The following XRRA1 variants were observed in gnomAD, a reference collection of about 807,000 sequenced individuals.
XRRA1 encodes X-ray radiation resistance-associated protein 1.
In XRRA1, 69 loss-of-function variants were observed where a neutral mutation model predicts 80.2. That is an observed-to-expected ratio of 0.86 (90% CI 0.71 to 1.05). The LOEUF is 1.05. Among genes scored for constraint, XRRA1 ranks in the 50% least tolerant of loss-of-function variants. The pLI is 0.00. For missense variants in XRRA1, 967 were observed against 976.4 expected (o/e 0.99, Z 0.13); for synonymous variants, 348 against 389.9 (o/e 0.89, Z 1.27).
In XRRA1 at chr11:74,906,377, C is replaced by T. The variant is rs775301333; in HGVS notation, c.865G>A (p.Val289Ile). The T allele has an allele frequency of 1.2e-5, 19 of 1,614,006 alleles. No homozygotes were observed. Among genetic ancestry groups the T allele is most frequent in the Non-Finnish European group, 1.6e-5 (19 of 1,179,882 alleles). ...LQQVQLYDES[V>I]DWNGGRGSPH... is the part of the protein sequence containing the mutation. ...CTTCCCCTGCCTCCATTCCAGTCTACTGACTCGTCATAGAGCTGAACTTGC... is the reference window on the plus strand; with the variant it reads ...CTTCCCCTGCCTCCATTCCAGTCTATTGACTCGTCATAGAGCTGAACTTGC... The change falls in exon 10 of 19, where the codon GTA (valine) becomes ATA (isoleucine). Residue 289 changes from valine (V) to isoleucine (I), a missense_variant. Val to Ile is a conservative substitution (Grantham distance 29, BLOSUM62 3). Coordinates refer to ENST00000684022, the MANE Select transcript of XRRA1 (RefSeq NM_001378157.1).
rs531827200 is a variant in XRRA1 at position 74,943,601 on chromosome 11, A to G, written c.-5+1417T>C. On this transcript the variant is annotated intron_variant, in intron 2 of 18. Transcript: ENST00000684022. ...AGAGAGAGAGAGAGTGCACCTGCTCATAGAGGCAGCAACTAGTCAGCTCTT... is the reference window on the plus strand; with the variant it reads ...AGAGAGAGAGAGAGTGCACCTGCTCGTAGAGGCAGCAACTAGTCAGCTCTT... Among the ~76,000 whole-genome samples the G allele has an allele frequency of 9.7e-5, 14 of 144,190 alleles. No homozygotes were observed. In the East Asian group the frequency reaches 3.0e-3, roughly 31 times the overall value. The allele number at this position is 144,190 out of a possible 152,430, so 94.6% of individuals were successfully genotyped here.
Position 74,907,184 on chromosome 11 carries a change from G to T in XRRA1, c.746C>A (p.Ser249Tyr), listed in dbSNP as rs189728354. ...ETLMLDDNRL[S>Y]NPSCFASLAG... ...CAGGCTGGCAAAGCAACTGGGGTTGGAGAGTCTGTTGTCATCCAGCATCAG... is the reference window on the plus strand; with the variant it reads ...CAGGCTGGCAAAGCAACTGGGGTTGTAGAGTCTGTTGTCATCCAGCATCAG... The change falls in exon 9 of 19, where the codon TCC becomes TAC. Residue 249 changes from serine to tyrosine, a missense_variant. By Grantham distance (144) the Ser-to-Tyr change is moderately radical. Coordinates refer to ENST00000684022, the MANE Select transcript of XRRA1 (RefSeq NM_001378157.1). 1.9e-6 allele frequency: 3 copies of T among 1,613,976 alleles called. No individual in the cohort carries two copies. In the East Asian group the frequency reaches 6.7e-5, roughly 36 times the overall value.
chr11:74,845,246 A>G lies in XRRA1; in HGVS notation c.1754T>C (p.Ile585Thr), dbSNP rs772824037. ...CTTTAACTCTAAATCATCCTTATGGATGACGGAGGAAGGCAGTTCACTCAC... is the reference window on the plus strand; with the variant it reads ...CTTTAACTCTAAATCATCCTTATGGGTGACGGAGGAAGGCAGTTCACTCAC... ...TQVSELPSSV[I>T]HKDDLELKEK... Residue 585 changes from isoleucine (I) to threonine (T), a missense_variant, in exon 16 of 19, where the codon ATC becomes ACC. Physicochemically the swap from Ile to Thr is moderately conservative, Grantham distance 89. Transcript: ENST00000684022. 12 of 1,613,668 alleles carry G rather than the reference A, an allele frequency of 7.4e-6. No homozygotes were observed. Among genetic ancestry groups the G allele is most frequent in the Non-Finnish European group, 1.0e-5 (12 of 1,179,696 alleles).
At chr11:74,934,487 C>G (rs904397585) in intron 4 of XRRA1, among the ~76,000 whole-genome samples, 1 of 151,998 alleles carries the variant, frequency 6.6e-6, no homozygotes, top group African/African-American at 2.4e-5. Flanking sequence ...GTAGCAAGTA[C>G]GTATTTATAA....
chr11:74,851,923 G>C, intron 13 of XRRA1, 66 bp downstream of exon 13: 1 of 1,354,432 alleles, frequency 7.4e-7, no homozygotes, highest in Non-Finnish European at 1.1e-6. Flanking sequence ...GATGAGGTGG[G>C]GATGAGGGTG....
chr11:74,896,762 G>C (rs2137636009), intron 10 of XRRA1, among the ~76,000 whole-genome samples: 1 of 152,288 alleles, frequency 6.6e-6, no homozygotes, highest in South Asian at 2.1e-4. Context: ...GAAAGTAAGG[G>C]AAAAGAACAA....
At chr11:74,918,092 A>G (rs929577315) in intron 8 of XRRA1, among the ~76,000 whole-genome samples, 1 of 152,206 alleles carries the variant, frequency 6.6e-6, no homozygotes, top group African/African-American at 2.4e-5. Flanking sequence ...AGGACCTTAA[A>G]GGACTCAGAC....
At chr11:74,849,284 T>A (rs2039167111) in intron 14 of XRRA1, among the ~76,000 whole-genome samples, 2 of 152,228 alleles carry the variant, frequency 1.3e-5, no homozygotes, top group Admixed American at 1.3e-4. Context: ...AATACAGGTC[T>A]ATCCTTTGAG....
In XRRA1 at chr11:74,927,420, C is replaced by G; in HGVS notation, c.493G>C (p.Val165Leu). 6.2e-7 allele frequency: 1 copy of G among 1,613,066 alleles called. No individual in the cohort carries two copies. The highest frequency in any genetic ancestry group is 8.5e-7 in the Non-Finnish European group (1 of 1,179,102). ...LAFNGIKTIY[V>L]KYGDFKLLEF... The stretch of plus-strand genomic sequence containing the variant: ...AATAACTTAAAGTCTCCATATTTCA[C>G]GTAGATAGTTTTGATGCCATTAAAT... Residue 165 changes from valine (V) to leucine (L), a missense_variant, in exon 7 of 19, where the codon GTG (valine) becomes CTG (leucine). Coordinates refer to ENST00000684022, the MANE Select transcript of XRRA1 (RefSeq NM_001378157.1).
At chr11:74,929,234 C>T (rs1433463780) in intron 6 of XRRA1, among the ~76,000 whole-genome samples, 1 of 152,156 alleles carries the variant, frequency 6.6e-6, no homozygotes, top group East Asian at 1.9e-4. Context: ...TCCCTACATC[C>T]CTATCAGTCT....
At chr11:74,920,820 T>C (rs920480325) in intron 8 of XRRA1, among the ~76,000 whole-genome samples, 10 of 152,240 alleles carry the variant, frequency 6.6e-5, no homozygotes, top group African/African-American at 2.4e-4. Flanking sequence ...GTACTACATA[T>C]GTGTTTTTAT....
intron 10 of XRRA1, 88 bp from the exon 11 acceptor site, chr11:74,863,109 G>T (rs2042657859): frequency 8.1e-7 from 1 of 1,240,878 alleles, no homozygotes; most frequent in Non-Finnish European, 1.2e-6. Flanking sequence ...CATCCACTGT[G>T]TGCAGCAGGG....
intron 9 of XRRA1, 106 bp downstream of exon 9, chr11:74,907,039 G>C (rs2054756072): frequency 1.4e-6 from 2 of 1,455,252 alleles, no homozygotes; most frequent in Admixed American, 3.8e-5. Context: ...ATAAATTGTG[G>C]AGCTAGGCTT....
rs578150068 is a variant in XRRA1 at position 74,847,071 on chromosome 11, CTA to C, written c.1728+1042_1728+1043del. Among the ~76,000 whole-genome samples, 59 of 152,266 alleles carry C rather than the reference CTA, an allele frequency of 3.9e-4. No individual in the cohort carries two copies. In the South Asian group the frequency reaches 0.011, roughly 29 times the overall value. ...TTTGAGTGACAGAATTACCCTTGTA[CTA>C]TTTCCTTTCCTGTCCGTATTTTCTT... On this transcript the variant is annotated intron_variant, in intron 15 of 18. Coordinates refer to ENST00000684022, the MANE Select transcript of XRRA1 (RefSeq NM_001378157.1).
chr11:74,903,068 A>C (rs1291518231), intron 10 of XRRA1, among the ~76,000 whole-genome samples: 2 of 152,206 alleles, frequency 1.3e-5, no homozygotes, highest in Admixed American at 6.5e-5. Context: ...AAAAACTATA[A>C]AGTAAGATAA....
In XRRA1 at chr11:74,880,853, A is replaced by G. The variant is rs1397390327; in HGVS notation, c.1004-17832T>C. ...AGTTTGTTATAATTTCTGTTCTTTTACATTTGCTGAGGAGAGTTTTACTTC... is the reference window on the plus strand; with the variant it reads ...AGTTTGTTATAATTTCTGTTCTTTTGCATTTGCTGAGGAGAGTTTTACTTC... On this transcript the variant is annotated intron_variant, in intron 10 of 18. Coordinates refer to ENST00000684022, the MANE Select transcript of XRRA1 (RefSeq NM_001378157.1). 3.3e-5 allele frequency among the ~76,000 whole-genome samples: 5 copies of G among 151,596 alleles called. No individual in the cohort carries two copies. The South Asian group carries it at 1.1e-3, about 32-fold the overall frequency.
At chr11:74,941,188 G>C (rs911112585) in intron 2 of XRRA1, among the ~76,000 whole-genome samples, 12 of 152,114 alleles carry the variant, frequency 7.9e-5, no homozygotes, top group African/African-American at 2.9e-4. Flanking sequence ...TCTGTGACTG[G>C]GCAAGTTACT....
chr11:74,851,309 T>C (rs776622651), intron 13 of XRRA1, 106 bp from the exon 14 acceptor site: 17 of 762,202 alleles, frequency 2.2e-5, no homozygotes, highest in Non-Finnish European at 3.3e-5. Flanking sequence ...TACTGAAACT[T>C]ATTCTCAACC....
intron 10 of XRRA1, among the ~76,000 whole-genome samples, chr11:74,893,493 T>C (rs1020283091): frequency 6.6e-6 from 1 of 151,964 alleles, no homozygotes; most frequent in African/African-American, 2.4e-5. Context: ...ACATGGCACA[T>C]GTATATATAT....
Sources: allele counts gnomAD v4.1 joint callset (sites outside exome capture counted in the v4.1 genomes callset), GRCh38; gene constraint gnomAD v4.1.1; transcripts MANE v1.5; gene names NCBI Gene and HGNC (gene_info 2026-07-23, HGNC 2026-07-21).